The following SEMA3A variants were observed in gnomAD, a reference collection of about 807,000 sequenced individuals.
The protein encoded by SEMA3A is semaphorin 3A.
SEMA3A carries 29 observed loss-of-function variants against 97.9 expected under a neutral mutation model. The observed-to-expected ratio is 0.30, with a 90% CI of 0.22 to 0.40. SEMA3A has a LOEUF of 0.40. Among genes scored for constraint, SEMA3A ranks in the 10% least tolerant of loss-of-function variants. The probability of loss-of-function intolerance (pLI) is 1.00; values close to 1 mark genes in which losing one functional copy is unlikely to be tolerated. For synonymous variants in SEMA3A, 321 were observed against 323.7 expected (o/e 0.99, Z 0.09); for missense variants, 763 against 951.3 (o/e 0.80, Z 2.60).
chr7:84,173,102 A>C (rs1278299672), intron 1 of SEMA3A, among the ~76,000 whole-genome samples: 1 of 152,166 alleles, frequency 6.6e-6, no homozygotes, highest in Non-Finnish European at 1.5e-5. Context: ...GGAAGCGATA[A>C]CTTTTTGAAG....
chr7:84,443,635 A>T (rs2116346037), intron 1 of SEMA3A, among the ~76,000 whole-genome samples: 1 of 152,290 alleles, frequency 6.6e-6, no homozygotes, highest in East Asian at 1.9e-4. Context: ...GAACATTGTC[A>T]TAGTGAAGAA....
intron 4 of SEMA3A, among the ~76,000 whole-genome samples, chr7:84,073,780 A>G (rs1793835054): frequency 6.6e-6 from 1 of 150,930 alleles, no homozygotes; most frequent in Admixed American, 6.6e-5. Flanking sequence ...CAAGTCACTT[A>G]GCTTCTTTAA....
chr7:84,339,289 G>T (rs1402836621), intron 2 of SEMA3A, among the ~76,000 whole-genome samples: 1 of 152,158 alleles, frequency 6.6e-6, no homozygotes, highest in East Asian at 1.9e-4. Context: ...GACTCTCTTT[G>T]CAGGGTCAAT....
chr7:84,476,343 A>G (rs568442815), intron 1 of SEMA3A, among the ~76,000 whole-genome samples: 18 of 151,186 alleles, frequency 1.2e-4, no homozygotes, highest in South Asian at 4.2e-4. Flanking sequence ...TGGGTGACAG[A>G]GCAAGACTCC....
chr7:84,099,131 CGCG>C lies in SEMA3A; in HGVS notation c.453+11336_453+11338del, dbSNP rs1794870677. Among the ~76,000 whole-genome samples, 6 of 46,844 alleles carry C rather than the reference CGCG, an allele frequency of 1.3e-4. 3 individuals carry two copies. Among genetic ancestry groups the C allele is most frequent in the Non-Finnish European group, 3.9e-4 (6 of 15,360 alleles). 30.7% of individuals were successfully genotyped at this position (46,844 alleles called of 152,430 possible). On this transcript the variant is annotated intron_variant, in intron 4 of 16. Transcript: ENST00000265362. ...TGTCGCCCAGGCTGGAGTGCAGTGG[CGCG>C]ATCTCGGCTCACTGCAAGCTCCGCC...
upstream of SEMA3A, among the ~76,000 whole-genome samples, chr7:84,196,872 T>C (rs1798244494): frequency 6.6e-6 from 1 of 152,102 alleles, no homozygotes; most frequent in South Asian, 2.1e-4. Context: ...TAAAATATAT[T>C]TATATTTTTA....
chr7:84,020,681 C>A (rs1199505266), intron 6 of SEMA3A, among the ~76,000 whole-genome samples: 1 of 152,086 alleles, frequency 6.6e-6, no homozygotes, highest in East Asian at 1.9e-4. Flanking sequence ...CCATCTCTTG[C>A]AGGACTTCTT....
intron 1 of SEMA3A, among the ~76,000 whole-genome samples, chr7:84,464,970 C>T (rs1471600258): frequency 1.3e-5 from 2 of 152,044 alleles, no homozygotes; most frequent in Non-Finnish European, 2.9e-5. Flanking sequence ...GAAACAGGGA[C>T]CTATGTGAGG....
intron 2 of SEMA3A, among the ~76,000 whole-genome samples, chr7:84,329,376 C>A (rs1430980154): frequency 6.6e-6 from 1 of 151,996 alleles, no homozygotes; most frequent in Non-Finnish European, 1.5e-5. Flanking sequence ...GTGGATATCA[C>A]CACATTATGC....
chr7:84,040,711 T>C (rs1053345093), intron 6 of SEMA3A, among the ~76,000 whole-genome samples: 6 of 151,944 alleles, frequency 3.9e-5, no homozygotes, highest in Non-Finnish European at 5.9e-5. Context: ...TAAATCCCTA[T>C]TGAGACCCAC....
intron 1 of SEMA3A, among the ~76,000 whole-genome samples, chr7:84,189,823 T>C (rs1797986629): frequency 1.3e-5 from 2 of 151,638 alleles, no homozygotes; most frequent in South Asian, 4.1e-4. Flanking sequence ...TTAAGTATAA[T>C]TGACCCCAAA....
chr7:84,248,177 T>C (rs1039574869), intron 3 of SEMA3A, among the ~76,000 whole-genome samples: 1 of 152,212 alleles, frequency 6.6e-6, no homozygotes, highest in Non-Finnish European at 1.5e-5. Flanking sequence ...ACTTAAAATA[T>C]ATATTTAAAG....
chr7:84,380,077 AT>A (rs1287181455), intron 1 of SEMA3A, among the ~76,000 whole-genome samples: 1 of 152,218 alleles, frequency 6.6e-6, no homozygotes, highest in Non-Finnish European at 1.5e-5. Flanking sequence ...TTTTGTGTGC[AT>A]TCAAAAAGAG....
intron 1 of SEMA3A, among the ~76,000 whole-genome samples, chr7:84,464,093 A>T (rs1324601827): frequency 6.6e-6 from 1 of 152,226 alleles, no homozygotes; most frequent in African/African-American, 2.4e-5. Flanking sequence ...TTTAAACTCA[A>T]AAAAATGTAA....
chr7:83,965,649 TATATATATATATATA>T (rs1348440760), intron 15 of SEMA3A, among the ~76,000 whole-genome samples: 101 of 12,082 alleles, frequency 8.4e-3, no homozygotes, highest in Non-Finnish European at 0.012. Context: ...TATATATATA[TATATATATATATATA>T]TATTTTTTTT....
chr7:84,208,030 G>T (rs1394468485), intron 3 of SEMA3A, among the ~76,000 whole-genome samples: 2 of 152,048 alleles, frequency 1.3e-5, no homozygotes, highest in Non-Finnish European at 2.9e-5. Flanking sequence ...GCATATTTAT[G>T]TATAAATGTA....
intron 2 of SEMA3A, among the ~76,000 whole-genome samples, chr7:84,368,561 T>C (rs1158253883): frequency 6.6e-6 from 1 of 150,926 alleles, no homozygotes; most frequent in Admixed American, 6.6e-5. Context: ...AGTACAAATA[T>C]AGTATATACA....
intron 1 of SEMA3A, among the ~76,000 whole-genome samples, chr7:84,154,050 T>C (rs1399069215): frequency 1.3e-5 from 2 of 152,086 alleles, no homozygotes; most frequent in Non-Finnish European, 2.9e-5. Context: ...CAAATAAATA[T>C]ATTAAATATT....
At chr7:84,291,161 A>G (rs1800734343) in intron 3 of SEMA3A, among the ~76,000 whole-genome samples, 1 of 152,108 alleles carries the variant, frequency 6.6e-6, no homozygotes, top group South Asian at 2.1e-4. Context: ...CTCATTATTT[A>G]TCGTATTATA....
Sources: gnomAD v4.1 joint callset for allele counts (sites outside exome capture counted in the v4.1 genomes callset) on GRCh38, gnomAD v4.1.1 for gene constraint, MANE v1.5 for transcripts, NCBI Gene and HGNC (gene_info 2026-07-23, HGNC 2026-07-21) for gene names.